Variants in MPP7 observed in about 807,000 individuals in gnomAD.
The protein encoded by MPP7 is MAGUK p55 subfamily member 7.
In MPP7, 60 loss-of-function variants were observed where a neutral mutation model predicts 76.5. The ratio of observed to expected loss-of-function variants is 0.78; its 90% CI spans 0.64 to 0.97. The LOEUF is 0.97. Among genes scored for constraint, MPP7 ranks in the 50% least tolerant of loss-of-function variants. The pLI is 0.00. For missense variants in MPP7, 641 were observed against 694.0 expected (o/e 0.92, Z 0.86); for synonymous variants, 237 against 244.5 (o/e 0.97, Z 0.29).
chr10:28,065,656 C>T (rs544174729), intron 13 of MPP7, among the ~76,000 whole-genome samples: 5 of 152,128 alleles, frequency 3.3e-5, no homozygotes, highest in Non-Finnish European at 7.4e-5. Flanking sequence ...CCCAAAATAT[C>T]CCAAAATAGC....
chr10:28,228,889 A>C (rs181464847), intron 2 of MPP7, among the ~76,000 whole-genome samples: 60 of 152,332 alleles, frequency 3.9e-4, no homozygotes, highest in African/African-American at 1.1e-3. Context: ...AAAAAGAATT[A>C]ACCAAACAAG....
chr10:28,164,321 G>A (rs576853923), intron 3 of MPP7, among the ~76,000 whole-genome samples: 91 of 152,144 alleles, frequency 6.0e-4, no homozygotes, highest in Non-Finnish European at 9.7e-4. Flanking sequence ...CTGGGAAAGC[G>A]CTTTTTAATG....
intron 2 of MPP7, among the ~76,000 whole-genome samples, chr10:28,325,731 T>C (rs978666888): frequency 5.3e-5 from 8 of 152,078 alleles, no homozygotes; most frequent in African/African-American, 1.9e-4. Context: ...TGGCCTCAAA[T>C]GATCCACCTG....
intron 3 of MPP7, among the ~76,000 whole-genome samples, chr10:28,182,815 C>T (rs1048166922): frequency 1.3e-5 from 2 of 152,312 alleles, no homozygotes; most frequent in Non-Finnish European, 2.9e-5. Context: ...CAGTGGCTCA[C>T]GCCTGTAATC....
intron 12 of MPP7, among the ~76,000 whole-genome samples, chr10:28,074,150 C>T (rs1346274354): frequency 6.6e-6 from 1 of 152,122 alleles, no homozygotes; most frequent in Non-Finnish European, 1.5e-5. Flanking sequence ...ACAAATAAAA[C>T]ATTTAGTGTT....
intron 2 of MPP7, among the ~76,000 whole-genome samples, chr10:28,322,634 C>T (rs12254001): frequency 0.3 from 45,788 of 151,914 alleles, 7,119 homozygotes; most frequent in East Asian, 0.43. Context: ...AAACTCAGTG[C>T]TCTCTAGAGC....
intron 2 of MPP7, among the ~76,000 whole-genome samples, chr10:28,211,255 C>T (rs1838124858): frequency 6.6e-6 from 1 of 152,080 alleles, no homozygotes; most frequent in South Asian, 2.1e-4. Context: ...TACACCACTG[C>T]ACCTGGTATC....
At chr10:28,183,600 C>T (rs1428712065) in intron 3 of MPP7, among the ~76,000 whole-genome samples, 5 of 152,076 alleles carry the variant, frequency 3.3e-5, no homozygotes, top group African/African-American at 1.2e-4. Context: ...GCAGCTTGGG[C>T]AACATAGCAA....
chr10:28,303,793 C>T (rs889261111), upstream of MPP7, among the ~76,000 whole-genome samples: 9 of 152,086 alleles, frequency 5.9e-5, no homozygotes, highest in African/African-American at 2.2e-4. Context: ...CTGAGGGCTA[C>T]CCCGAAAAAA....
intron 6 of MPP7, among the ~76,000 whole-genome samples, chr10:28,126,242 GGT>G (rs2133650153): frequency 6.6e-6 from 1 of 152,160 alleles, no homozygotes; most frequent in African/African-American, 2.4e-5. Context: ...ATCACTTCAT[GGT>G]CATAAAGCTT....
At chr10:28,308,557 G>A (rs1841272134) in intron 2 of MPP7, among the ~76,000 whole-genome samples, 1 of 152,174 alleles carries the variant, frequency 6.6e-6, no homozygotes, top group South Asian at 2.1e-4. Flanking sequence ...GAGTCACCAA[G>A]GGGCTAGGAT....
intron 3 of MPP7, among the ~76,000 whole-genome samples, chr10:28,162,494 G>C (rs928912228): frequency 6.6e-6 from 1 of 152,174 alleles, no homozygotes. Context: ...CCGGGAAAGA[G>C]AGACCTGCTT....
chr10:28,146,550 C>T (rs550523847), intron 5 of MPP7, among the ~76,000 whole-genome samples: 2 of 151,498 alleles, frequency 1.3e-5, no homozygotes, highest in Non-Finnish European at 2.9e-5. Context: ...TACAGGCGCC[C>T]GCCACATGTT....
chr10:28,266,432 T>C (rs1840152321), intron 1 of MPP7, among the ~76,000 whole-genome samples: 2 of 152,110 alleles, frequency 1.3e-5, no homozygotes, highest in South Asian at 4.1e-4. Flanking sequence ...CCTCATAACA[T>C]ATAGTTTTGC....
At chr10:28,216,070 C>T (rs557437816) in intron 2 of MPP7, among the ~76,000 whole-genome samples, 3 of 152,154 alleles carry the variant, frequency 2.0e-5, no homozygotes, top group East Asian at 1.9e-4. Context: ...ACCTGCCGCA[C>T]CCTCCCCCAA....
chr10:28,113,467 C>T (rs1403974513), intron 11 of MPP7, among the ~76,000 whole-genome samples: 1 of 152,136 alleles, frequency 6.6e-6, no homozygotes, highest in Non-Finnish European at 1.5e-5. Flanking sequence ...TCAGGGCATT[C>T]CTAGAGAGTG....
intron 3 of MPP7, among the ~76,000 whole-genome samples, chr10:28,190,443 T>C (rs1340139957): frequency 1.3e-5 from 2 of 152,112 alleles, no homozygotes; most frequent in Non-Finnish European, 2.9e-5. Flanking sequence ...TAAACACAAC[T>C]TAAATCTAAA....
intron 2 of MPP7, among the ~76,000 whole-genome samples, chr10:28,228,172 A>G (rs540175112): frequency 2.0e-5 from 3 of 152,374 alleles, no homozygotes; most frequent in African/African-American, 7.2e-5. Flanking sequence ...AAGGAAATAT[A>G]TGAATTACCA....
chr10:28,183,163 G>C (rs1328689657), intron 3 of MPP7, among the ~76,000 whole-genome samples: 1 of 152,170 alleles, frequency 6.6e-6, no homozygotes, highest in Non-Finnish European at 1.5e-5. Context: ...TTTTAAAACA[G>C]ACGAAATAAT....
Sources: gnomAD v4.1 joint callset for allele counts (sites outside exome capture counted in the v4.1 genomes callset) on GRCh38, gnomAD v4.1.1 for gene constraint, MANE v1.5 for transcripts, NCBI Gene and HGNC (gene_info 2026-07-23, HGNC 2026-07-21) for gene names.